The following SELENOS variants were observed in gnomAD, a reference collection of about 807,000 sequenced individuals.
SELENOS encodes selenoprotein S, also known as VCP interacting membrane selenoprotein.
SELENOS carries 37 observed loss-of-function variants against 30.2 expected under a neutral mutation model. The ratio of observed to expected loss-of-function variants is 1.23; its 90% CI spans 0.94 to 1.61. SELENOS has a LOEUF of 1.61. Ranked by LOEUF, SELENOS falls within the 40% of genes most tolerant of loss-of-function variation. The pLI is 0.00. For synonymous variants in SELENOS, 119 were observed against 91.6 expected (o/e 1.30, Z -1.71); for missense variants, 289 against 231.8 (o/e 1.25, Z -1.60).
intron 3 of SELENOS, 85 bp downstream of exon 3, chr15:101,275,170 T>C: frequency 8.2e-7 from 1 of 1,214,310 alleles, no homozygotes; most frequent in South Asian, 1.6e-5. Flanking sequence ...CCTAGAAGCT[T>C]ATAGACAACA....
rs2039329383 is a variant in SELENOS, at chr15:101,276,575, C to T, written c.177G>A (p.Arg59=). ...QKLSARLRAL[R]QRQLDRAAAA... is the part of the protein sequence containing the mutation. The stretch of plus-strand genomic sequence containing the variant: ...CCGCAGCTCGGTCCAGCTGCCTCTG[C>T]CTCAAGGCTCTTAGCCGGGCGGAAA... The change falls in exon 2 of 6, where the codon AGG becomes AGA. Residue 59 remains arginine (R), a synonymous_variant. Transcript: ENST00000526049. 3.7e-6 allele frequency: 6 copies of T among 1,613,496 alleles called. No homozygotes were observed. The highest frequency in any genetic ancestry group is 5.1e-6 in the Non-Finnish European group (6 of 1,179,748).
At chr15:101,276,508 C>A in intron 2 of SELENOS, 33 bp downstream of exon 2, 1 of 1,569,756 alleles carries the variant, frequency 6.4e-7, no homozygotes, top group Non-Finnish European at 8.6e-7. Flanking sequence ...AGGTGCAAAA[C>A]CACCGCTTTC....
downstream of SELENOS, chr15:101,271,212 A>C (rs1218956771): frequency 6.6e-6 from 1 of 152,248 alleles, no homozygotes; most frequent in Non-Finnish European, 1.5e-5. Flanking sequence ...TCAAGGAAGA[A>C]TGTTAAAAAG....
intron 1 of SELENOS, chr15:101,276,883 C>A: frequency 1.7e-6 from 1 of 596,944 alleles, no homozygotes; most frequent in South Asian, 2.2e-5. Flanking sequence ...TCCCAACCAT[C>A]TGGGGAGTCG....
At chr15:101,272,090 C>T (rs1248510745), downstream of SELENOS, 1 of 152,182 alleles carries the variant, frequency 6.6e-6, no homozygotes, top group Admixed American at 6.5e-5. Flanking sequence ...TGTGGATGAA[C>T]CCCAAGGAGT....
intron 5 of SELENOS, among the ~76,000 whole-genome samples, chr15:101,273,109 CA>C: frequency 6.6e-6 from 1 of 152,110 alleles, no homozygotes; most frequent in East Asian, 1.9e-4. Context: ...GAAACACATG[CA>C]AAAGGGTCAC....
At chr15:101,275,853 T>C (rs1220662871) in intron 2 of SELENOS, among the ~76,000 whole-genome samples, 1 of 151,538 alleles carries the variant, frequency 6.6e-6, no homozygotes, top group African/African-American at 2.4e-5. Flanking sequence ...AATGAACTCA[T>C]TTCTATTCAT....
intron 5 of SELENOS, 125 bp downstream of exon 5, chr15:101,274,295 T>A: frequency 8.9e-7 from 1 of 1,129,936 alleles, no homozygotes; most frequent in Non-Finnish European, 1.3e-6. Flanking sequence ...CTTTATTGAA[T>A]CTTCACAATC....
chr15:101,274,560 C>T (rs2039302527), intron 4 of SELENOS, 32 bp downstream of exon 4: 4 of 1,611,034 alleles, frequency 2.5e-6, no homozygotes, highest in Admixed American at 3.4e-5. Context: ...TCTTCATCTA[C>T]CGCATGCCAG....
rs1347802291 is a variant in SELENOS, at chr15:101,274,479, C to G, written c.425G>C (p.Gly142Ala). Residue 142 changes from glycine to alanine, a missense_variant, in exon 5 of 6, where the codon GGG becomes GCG. By Grantham distance (60) the Gly-to-Ala change is moderately conservative (BLOSUM62 0). Coordinates refer to ENST00000526049, the MANE Select transcript of SELENOS (RefSeq NM_018445.6). ...TTTCAGGACAGATGAAGTGGAAGGC[C>G]CAGGACTGTCTTCCTCCTGTTTGAA... ...AKKPQEEDSPGPSTSSVLKRK... is the reference protein window; with the variant it reads ...AKKPQEEDSPAPSTSSVLKRK... 1 of 1,608,744 alleles carries G rather than the reference C, an allele frequency of 6.2e-7. No individual in the cohort carries two copies. The highest frequency in any genetic ancestry group is 1.3e-5 in the African/African-American group (1 of 74,998).
At chr15:101,272,977 A>G in intron 5 of SELENOS, 121 bp from the exon 6 acceptor site, 1 of 823,994 alleles carries the variant, frequency 1.2e-6, no homozygotes, top group South Asian at 1.9e-5. Context: ...ACAGATCCTA[A>G]GGGACATTTA....
At chr15:101,276,071 C>T (rs1196388535) in intron 2 of SELENOS, among the ~76,000 whole-genome samples, 5 of 150,880 alleles carry the variant, frequency 3.3e-5, no homozygotes, top group South Asian at 2.1e-4. Flanking sequence ...TACAGGTGCC[C>T]GTCACCACGC....
At chr15:101,277,207 C>T (rs1567120592) in intron 1 of SELENOS, 135 bp downstream of exon 1, 1 of 1,424,422 alleles carries the variant, frequency 7.0e-7, no homozygotes, top group Non-Finnish European at 9.5e-7. Context: ...GCCCAAGGTC[C>T]GCGTAAGCGC....
chr15:101,274,970 C>G, intron 3 of SELENOS: 1 of 573,346 alleles, frequency 1.7e-6, no homozygotes, highest in East Asian at 3.0e-5. Flanking sequence ...GGGGAAGACA[C>G]AGGCACATGC....
At position 101,272,438 on chromosome 15, in the gene SELENOS, C is replaced by T; in HGVS notation, c.*333G>A. On this transcript the variant is annotated 3_prime_UTR_variant, in exon 6 of 6. Transcript: ENST00000526049. ...CAACCTGTCACAGAGACTGTCCTAG[C>T]AGCAAGGATTTCTAACCTCAAAAGA... 1 of 239,638 alleles carries T rather than the reference C, an allele frequency of 4.2e-6. No individual in the cohort carries two copies. Among genetic ancestry groups the T allele is most frequent in the Non-Finnish European group, 8.3e-6 (1 of 120,646 alleles). The allele number at this position is 239,638 out of a possible 1,614,324, so 14.8% of individuals were successfully genotyped here.
chr15:101,274,370 A>G, intron 5 of SELENOS, 50 bp downstream of exon 5: 1 of 1,543,936 alleles, frequency 6.5e-7, no homozygotes, highest in Non-Finnish European at 8.8e-7. Context: ...AGGTAACTAT[A>G]TCCTGTAAGT....
intron 2 of SELENOS, among the ~76,000 whole-genome samples, chr15:101,275,935 G>T: frequency 7.1e-6 from 1 of 140,846 alleles, no homozygotes; most frequent in African/African-American, 2.7e-5. Flanking sequence ...AAAAAAAAAA[G>T]AAAGAAAAGA....
At chr15:101,277,087 AC>A (rs767695276) in intron 1 of SELENOS, 2 of 692,214 alleles carry the variant, frequency 2.9e-6, no homozygotes, top group Non-Finnish European at 5.1e-6. Flanking sequence ...CCCAGTAACT[AC>A]CACAGGAAGG....
rs371047815 is a variant in SELENOS, at chr15:101,276,616, C to G, written c.136G>C (p.Val46Leu). ...CGGGCGGAAAGCTTCTGAAAGACCACGTAGAGAAGGATGCAGCTGAAGACG... is the reference window on the plus strand; with the variant it reads ...CGGGCGGAAAGCTTCTGAAAGACCAGGTAGAGAAGGATGCAGCTGAAGACG... ...YIVFSCILLY[V>L]VFQKLSARLR... The change falls in exon 2 of 6, where the codon GTG becomes CTG. Residue 46 changes from valine (V) to leucine (L), a missense_variant. Val to Leu is a conservative substitution (Grantham distance 32). Transcript: ENST00000526049. 2 of 1,613,686 alleles carry G rather than the reference C, an allele frequency of 1.2e-6. No individual in the cohort carries two copies. Among genetic ancestry groups the G allele is most frequent in the Non-Finnish European group, 1.7e-6 (2 of 1,179,862 alleles).
Sources: allele counts gnomAD v4.1 joint callset (sites outside exome capture counted in the v4.1 genomes callset), GRCh38; gene constraint gnomAD v4.1.1; transcripts MANE v1.5; gene names NCBI Gene and HGNC (gene_info 2026-07-23, HGNC 2026-07-21).